RPAIN: variants seen among roughly 807,000 people sequenced by gnomAD.
RPAIN encodes the protein RPA interacting protein, also known as RPA-interacting protein.
A neutral mutation model predicts 30.5 loss-of-function variants in RPAIN; 29 were observed. That is an observed-to-expected ratio of 0.95 (90% CI 0.71 to 1.30). The LOEUF is 1.30. RPAIN is among the 50% of genes most tolerant of loss of function. The probability of loss-of-function intolerance (pLI) is 0.00; values close to 1 mark genes in which losing one functional copy is unlikely to be tolerated. For missense variants in RPAIN, 247 were observed against 264.7 expected (o/e 0.93, Z 0.46); for synonymous variants, 101 against 93.5 (o/e 1.08, Z -0.46).
chr17:5,429,121 T>A lies in RPAIN; in HGVS notation c.630+910T>A, dbSNP rs527905022. The A allele has an allele frequency of 8.1e-6, 8 of 985,148 alleles. No individual in the cohort carries two copies. The East Asian group carries it at 8.0e-4, about 98-fold the overall frequency. The allele number at this position is 985,148 out of a possible 1,614,324, so 61.0% of individuals were successfully genotyped here. ...CACATCTCTCACAGAGCTCAAGCCT[T>A]GGGTTGGTAATAAGAGAACAGAATA... On this transcript the variant is annotated intron_variant, in intron 6 of 6. Transcript: ENST00000381209.
chr17:5,432,184 C>CGCCTTA, intron 6 of RPAIN: 1 of 227,378 alleles, frequency 4.4e-6, no homozygotes, highest in South Asian at 8.8e-5. Flanking sequence ...GATTTGGAGT[C>CGCCTTA]TCATCTTCCT....
At position 5,432,826 on chromosome 17, in the gene RPAIN, G is replaced by A. The variant is rs3190749; in HGVS notation, c.*255G>A. ...GTCTATCATGTTATACAAAAATCTA[G>A]AAATAATAGATTTGTACAGAAAAAA... On this transcript the variant is annotated 3_prime_UTR_variant, in exon 7 of 7. Transcript: ENST00000381209. 2 of 887,260 alleles carry A rather than the reference G, an allele frequency of 2.3e-6. No individual in the cohort carries two copies. The highest frequency in any genetic ancestry group is 1.6e-6 in the Non-Finnish European group (1 of 616,994). 55.0% of individuals were successfully genotyped at this position (887,260 alleles called of 1,614,324 possible).
chr17:5,430,763 A>C (rs1201521063), intron 6 of RPAIN: 1 of 152,350 alleles, frequency 6.6e-6, no homozygotes, highest in Admixed American at 6.6e-5. Context: ...TGGAGGGAGG[A>C]GAGTTGAGGC....
intron 6 of RPAIN, 83 bp downstream of exon 6, chr17:5,428,294 T>C: frequency 6.2e-7 from 1 of 1,601,526 alleles, no homozygotes; most frequent in Non-Finnish European, 8.5e-7. Flanking sequence ...TAATGACCTA[T>C]AAACAGGTAA....
chr17:5,431,367 C>G (rs756056241), intron 6 of RPAIN: 1 of 440,058 alleles, frequency 2.3e-6, no homozygotes, highest in Non-Finnish European at 4.5e-6. Flanking sequence ...CGCACCTGTA[C>G]TCCCAGCTAC....
At chr17:5,431,454 T>C (rs1199696171) in intron 6 of RPAIN, 1 of 427,822 alleles carries the variant, frequency 2.3e-6, no homozygotes, top group African/African-American at 2.4e-5. Context: ...GCCATTGCGC[T>C]CCAGGCTGGG....
intron 6 of RPAIN, chr17:5,432,209 G>C (rs1916039667): frequency 7.0e-6 from 2 of 286,552 alleles, no homozygotes; most frequent in Admixed American, 4.6e-5. Context: ...GGCTCTAAAA[G>C]CTCCAGGCTA....
chr17:5,427,843 A>G (rs1915546764), intron 5 of RPAIN: 2 of 551,016 alleles, frequency 3.6e-6, no homozygotes, highest in East Asian at 3.1e-5. Context: ...AGTGGCCATC[A>G]GTGTGTTTGA....
At position 5,420,376 on chromosome 17, in the gene RPAIN, T is replaced by G. The variant is rs1484956316; in HGVS notation, c.81+85T>G. ...CTGCCTTCGCCTTAGCCCTGCTCCGTGGAGCAGGTGCCGCAGCGCGCCTGG... is the reference window on the plus strand; with the variant it reads ...CTGCCTTCGCCTTAGCCCTGCTCCGGGGAGCAGGTGCCGCAGCGCGCCTGG... On this transcript the variant is annotated intron_variant, in intron 1 of 6. Transcript: ENST00000381209. 8 of 1,179,678 alleles carry G rather than the reference T, an allele frequency of 6.8e-6. No homozygotes were observed. In the African/African-American group the frequency reaches 1.2e-4, roughly 18 times the overall value. 73.1% of individuals were successfully genotyped at this position (1,179,678 alleles called of 1,614,324 possible). A position where few individuals can be genotyped will look rare whatever the true frequency, so the allele number is the denominator to read the frequency against.
chr17:5,422,753 C>T lies in RPAIN; in HGVS notation c.253-16C>T, dbSNP rs1230285518. The T allele has an allele frequency of 6.2e-7, 1 of 1,612,206 alleles. No homozygotes were observed. ...TTAATACTTCAAACTTCTGATGCCG[C>T]TCCTTTCTCTTCCAGCTGGAGGAGC... On this transcript the variant is annotated splice_polypyrimidine_tract_variant and intron_variant, in intron 2 of 6. Coordinates refer to ENST00000381209, the MANE Select transcript of RPAIN (RefSeq NM_001033002.4).
chr17:5,428,976 T>A, intron 6 of RPAIN: 1 of 963,534 alleles, frequency 1.0e-6, no homozygotes, highest in Non-Finnish European at 1.2e-6. Context: ...AGAGGTCATT[T>A]TTATTATAAG....
intron 3 of RPAIN, among the ~76,000 whole-genome samples, chr17:5,423,866 C>T (rs1597340921): frequency 6.6e-6 from 1 of 152,122 alleles, no homozygotes; most frequent in African/African-American, 2.4e-5. Context: ...GATCTTCCCA[C>T]CTCAGCCTTC....
intron 1 of RPAIN, 127 bp downstream of exon 1, chr17:5,420,418 C>T (rs1336093037): frequency 4.1e-6 from 3 of 726,674 alleles, no homozygotes; most frequent in Non-Finnish European, 6.7e-6. Flanking sequence ...CAAACCCAGG[C>T]CTGCTGACTG....
At chr17:5,421,552 T>G in intron 2 of RPAIN, 86 bp downstream of exon 2, 1 of 1,258,436 alleles carries the variant, frequency 7.9e-7, no homozygotes, top group Non-Finnish European at 1.1e-6. Context: ...ACTTGAGTCC[T>G]CTAAACCCAC....
Position 5,432,577 on chromosome 17 carries a change from G to A in RPAIN, c.*6G>A. On this transcript the variant is annotated 3_prime_UTR_variant, in exon 7 of 7. Transcript: ENST00000381209. Reference sequence around the variant, plus strand: ...CTTGGGCTGTGATCCTCTAGAGCCAGCTTGGACTCACATCATTCTATGGGG... The same window carrying A: ...CTTGGGCTGTGATCCTCTAGAGCCAACTTGGACTCACATCATTCTATGGGG... 1.2e-6 allele frequency: 2 copies of A among 1,613,674 alleles called. No homozygotes were observed. The highest frequency in any genetic ancestry group is 2.2e-5 in the South Asian group (2 of 91,082).
In RPAIN at chr17:5,428,177, CAG is replaced by C. The variant is rs772928668; in HGVS notation, c.598_599del (p.Glu200ArgfsTer13). ...CCTGAATTTTCAGTCACTGGAGGAA[CAG>C]AAGAAAAGTCCAGTCTTCTCATGAG... On this transcript the variant is annotated frameshift_variant, in exon 6 of 7. Transcript: ENST00000381209. LOFTEE classifies it high-confidence loss of function. 6.2e-7 allele frequency: 1 copy of C among 1,614,058 alleles called. No individual in the cohort carries two copies. The highest frequency in any genetic ancestry group is 2.2e-5 in the East Asian group (1 of 44,904).
Position 5,426,096 on chromosome 17 carries a change from A to G in RPAIN, c.425+14A>G. ...TGTATGTACAAAGTAAGAGTTTTTA[A>G]AACCTTTTCAGCATTATTCGTTCCC... On this transcript the variant is annotated intron_variant, in intron 4 of 6. Transcript: ENST00000381209. 6.3e-7 allele frequency: 1 copy of G among 1,597,586 alleles called. No homozygotes were observed. Among genetic ancestry groups the G allele is most frequent in the Non-Finnish European group, 8.6e-7 (1 of 1,165,158 alleles).
chr17:5,432,617 T>A lies in RPAIN; in HGVS notation c.*46T>A, dbSNP rs766825520. ...ATTCTATGGGGTTGAAGACAACTCA[T>A]TCCCTCTGAGGAGCCTTGTACATAC... On this transcript the variant is annotated 3_prime_UTR_variant, in exon 7 of 7. Coordinates refer to ENST00000381209, the MANE Select transcript of RPAIN (RefSeq NM_001033002.4). 2 of 1,569,650 alleles carry A rather than the reference T, an allele frequency of 1.3e-6. No individual in the cohort carries two copies. Among genetic ancestry groups the A allele is most frequent in the African/African-American group, 2.7e-5 (2 of 73,952 alleles).
intron 5 of RPAIN, chr17:5,427,725 G>A (rs1395140574): frequency 1.5e-5 from 4 of 272,792 alleles, no homozygotes; most frequent in Non-Finnish European, 2.8e-5. Flanking sequence ...AAGCAGACCC[G>A]GGAGCATATA....
Sources: allele counts gnomAD v4.1 joint callset (sites outside exome capture counted in the v4.1 genomes callset), GRCh38; gene constraint gnomAD v4.1.1; transcripts MANE v1.5; gene names NCBI Gene and HGNC (gene_info 2026-07-23, HGNC 2026-07-21).